The following CPED1 variants were observed in gnomAD, a reference collection of about 807,000 sequenced individuals.
The protein encoded by CPED1 is cadherin-like and PC-esterase domain-containing protein 1.
Under a neutral mutation model 128.2 loss-of-function variants are expected in CPED1, and 114 were observed. That is an observed-to-expected ratio of 0.89 (90% confidence interval 0.76 to 1.04). The LOEUF is 1.04. Ranked by LOEUF, CPED1 falls within the 50% of genes least tolerant of loss-of-function variation. The pLI is 0.00. For synonymous variants in CPED1, 462 were observed against 426.7 expected (o/e 1.08, Z -1.02); for missense variants, 1,211 against 1,207.1 (o/e 1.00, Z -0.05).
chr7:121,247,711 A>G (rs1798568926), intron 18 of CPED1, among the ~76,000 whole-genome samples: 1 of 152,120 alleles, frequency 6.6e-6, no homozygotes, highest in Non-Finnish European at 1.5e-5. Context: ...CTGACAGGGG[A>G]ATCTGTCCAG....
chr7:121,023,747 T>A (rs1792500445), intron 3 of CPED1, among the ~76,000 whole-genome samples: 1 of 152,086 alleles, frequency 6.6e-6, no homozygotes, highest in African/African-American at 2.4e-5. Flanking sequence ...AATTTAAGAC[T>A]TGAGAGCCTA....
At chr7:121,223,705 G>C (rs561911122) in intron 16 of CPED1, among the ~76,000 whole-genome samples, 5 of 152,078 alleles carry the variant, frequency 3.3e-5, no homozygotes, top group African/African-American at 7.2e-5. Flanking sequence ...ATATGTCCAG[G>C]AATTTATCTG....
At chr7:121,288,492 T>C (rs1024008235) in intron 22 of CPED1, among the ~76,000 whole-genome samples, 1 of 152,162 alleles carries the variant, frequency 6.6e-6, no homozygotes, top group African/African-American at 2.4e-5. Flanking sequence ...AAAATAGAAA[T>C]AGGTTATCAA....
chr7:121,070,133 A>G (rs1348996016), intron 5 of CPED1, among the ~76,000 whole-genome samples: 1 of 150,932 alleles, frequency 6.6e-6, no homozygotes, highest in Non-Finnish European at 1.5e-5. Context: ...TAAAAATTAT[A>G]GATACTATTT....
chr7:121,081,084 G>A (rs1039326804), intron 5 of CPED1, among the ~76,000 whole-genome samples: 7 of 152,112 alleles, frequency 4.6e-5, no homozygotes, highest in Non-Finnish European at 8.8e-5. Flanking sequence ...GGTGATGCTC[G>A]TTATGACTAG....
At chr7:121,064,927 G>T (rs987301765) in intron 5 of CPED1, among the ~76,000 whole-genome samples, 4 of 152,140 alleles carry the variant, frequency 2.6e-5, no homozygotes, top group Non-Finnish European at 5.9e-5. Context: ...AGCCATCAGT[G>T]AAAGGGTTCC....
At chr7:121,294,660 C>G (rs543246060) in intron 22 of CPED1, among the ~76,000 whole-genome samples, 41 of 151,924 alleles carry the variant, frequency 2.7e-4, no homozygotes, top group Admixed American at 5.2e-4. Flanking sequence ...TTGTTTTGAC[C>G]TAAGGGCAGG....
At chr7:121,008,824 T>G (rs1162706718) in intron 2 of CPED1, among the ~76,000 whole-genome samples, 1 of 152,218 alleles carries the variant, frequency 6.6e-6, no homozygotes, top group Non-Finnish European at 1.5e-5. Flanking sequence ...TCCCAGACCC[T>G]AAGACCATGC....
intron 22 of CPED1, among the ~76,000 whole-genome samples, chr7:121,293,074 G>A (rs778143850): frequency 1.2e-4 from 19 of 152,126 alleles, no homozygotes; most frequent in Non-Finnish European, 2.5e-4. Flanking sequence ...TGCTCTCTTC[G>A]GAGCCAGCAA....
chr7:121,234,632 A>G (rs1033894435), intron 16 of CPED1, among the ~76,000 whole-genome samples: 2 of 151,594 alleles, frequency 1.3e-5, no homozygotes, highest in African/African-American at 4.9e-5. Flanking sequence ...AGCATTCTAG[A>G]TAGAGCTAAA....
rs1584571242 is a variant in CPED1, at chr7:121,176,482, G to T, written c.2055+34341G>T. On this transcript the variant is annotated intron_variant, in intron 16 of 22. Coordinates refer to ENST00000310396, the MANE Select transcript of CPED1 (RefSeq NM_024913.5). ...CAGTTGGAATATTACATTTAGTTTTGGTTTGCACATTACTAAATACATATA... is the reference window on the plus strand; with the variant it reads ...CAGTTGGAATATTACATTTAGTTTTTGTTTGCACATTACTAAATACATATA... Among the ~76,000 whole-genome samples, 4 of 151,306 alleles carry T rather than the reference G, an allele frequency of 2.6e-5. No individual in the cohort carries two copies. In the East Asian group the frequency reaches 5.8e-4, roughly 22 times the overall value.
intron 3 of CPED1, among the ~76,000 whole-genome samples, chr7:121,028,116 T>A (rs1166215810): frequency 6.6e-6 from 1 of 152,160 alleles, no homozygotes; most frequent in Admixed American, 6.5e-5. Flanking sequence ...CATGCGTCAG[T>A]GTTCTCTGGA....
At chr7:121,157,661 C>A (rs765179655) in intron 16 of CPED1, among the ~76,000 whole-genome samples, 3 of 152,110 alleles carry the variant, frequency 2.0e-5, no homozygotes, top group Non-Finnish European at 2.9e-5. Flanking sequence ...GACCAAAGTT[C>A]ATTGCCAGTC....
intron 16 of CPED1, among the ~76,000 whole-genome samples, chr7:121,201,484 CAGAG>C (rs368768002): frequency 6.7e-4 from 95 of 141,032 alleles, no homozygotes; most frequent in Admixed American, 1.0e-3. Flanking sequence ...GAGTGAGAGA[CAGAG>C]AGAGAGAGAG....
At position 121,058,023 on chromosome 7, in the gene CPED1, A is replaced by C. The variant is rs151314721; in HGVS notation, c.541-6215A>C. 4.6e-4 allele frequency among the ~76,000 whole-genome samples: 70 copies of C among 152,210 alleles called. No homozygotes were observed. The East Asian group carries it at 0.013, about 29-fold the overall frequency. On this transcript the variant is annotated intron_variant, in intron 4 of 22. Transcript: ENST00000310396. ...GTCTGGGGTAAATCCACCAAGACTC[A>C]GAGGAGAGGAACAATAGGCCTACAG...
At chr7:121,076,654 A>G (rs1460462087) in intron 5 of CPED1, 2 of 152,160 alleles carry the variant, frequency 1.3e-5, no homozygotes. Context: ...CAATGGTGAG[A>G]GTTTTCTCTC....
intron 22 of CPED1, among the ~76,000 whole-genome samples, chr7:121,283,386 C>T (rs1475960538): frequency 7.2e-5 from 11 of 152,176 alleles, no homozygotes; most frequent in African/African-American, 2.7e-4. Flanking sequence ...AAGCTATCTA[C>T]AAAGGAATTT....
intron 22 of CPED1, among the ~76,000 whole-genome samples, chr7:121,272,228 T>C (rs750986180): frequency 1.3e-5 from 2 of 152,118 alleles, no homozygotes; most frequent in Non-Finnish European, 2.9e-5. Context: ...GCAGGACACT[T>C]ATTTGCCATT....
At chr7:121,227,227 C>T (rs1267715076) in intron 16 of CPED1, among the ~76,000 whole-genome samples, 1 of 152,042 alleles carries the variant, frequency 6.6e-6, no homozygotes, top group Non-Finnish European at 1.5e-5. Flanking sequence ...GTGGCCCTTT[C>T]TCTGCAGCTG....
Sources: allele counts gnomAD v4.1 joint callset (sites outside exome capture counted in the v4.1 genomes callset), GRCh38; gene constraint gnomAD v4.1.1; transcripts MANE v1.5; gene names NCBI Gene and HGNC (gene_info 2026-07-23, HGNC 2026-07-21).